Variants in MYO16 observed in about 807,000 individuals in gnomAD.
MYO16 encodes myosin XVI.
In MYO16, 94 loss-of-function variants were observed where a neutral mutation model predicts 205.3. That is an observed-to-expected ratio of 0.46 (90% confidence interval 0.39 to 0.54). The LOEUF is 0.54. Ranked by LOEUF, MYO16 falls within the 20% of genes least tolerant of loss-of-function variation. MYO16 has a pLI of 0.00. For missense variants in MYO16, 2,315 were observed against 2,387.5 expected (o/e 0.97, Z 0.63); for synonymous variants, 988 against 954.0 (o/e 1.04, Z -0.66).
intron 24 of MYO16, chr13:109,048,234 T>C: frequency 1.7e-6 from 1 of 582,296 alleles, no homozygotes; most frequent in Non-Finnish European, 3.2e-6. Flanking sequence ...GCTAGTCTGC[T>C]TATCTTAATA....
At chr13:108,542,452 G>C in the MYO16 span, among the ~76,000 whole-genome samples, 5 of 152,122 alleles carry the variant, frequency 3.3e-5, no homozygotes, top group African/African-American at 9.7e-5. Context: ...ACCTGCATCT[G>C]TACCCCTGAA....
At chr13:108,610,073 T>C (rs1879115283) in intron 1 of MYO16, among the ~76,000 whole-genome samples, 1 of 152,030 alleles carries the variant, frequency 6.6e-6, no homozygotes, top group Non-Finnish European at 1.5e-5. Flanking sequence ...ACTGACTGAG[T>C]GTTACACCTG....
intron 15 of MYO16, among the ~76,000 whole-genome samples, chr13:108,902,281 G>A (rs1880749060): frequency 6.6e-6 from 1 of 152,182 alleles, no homozygotes; most frequent in South Asian, 2.1e-4. Context: ...GACACCAGCT[G>A]GACCAGATAA....
chr13:109,029,730 G>A (rs774899407), intron 23 of MYO16, among the ~76,000 whole-genome samples: 6 of 152,090 alleles, frequency 3.9e-5, no homozygotes, highest in African/African-American at 7.2e-5. Context: ...TTGAGCAGGC[G>A]TTTTGAAAAA....
chr13:108,976,575 C>A (rs1400497419), intron 20 of MYO16, among the ~76,000 whole-genome samples: 1 of 152,042 alleles, frequency 6.6e-6, no homozygotes, highest in Non-Finnish European at 1.5e-5. Context: ...CTAGACCATC[C>A]ATTTATGAGT....
chr13:108,782,795 G>C (rs1886344596), intron 4 of MYO16, among the ~76,000 whole-genome samples: 1 of 152,226 alleles, frequency 6.6e-6, no homozygotes, highest in African/African-American at 2.4e-5. Flanking sequence ...CATGGCTTCA[G>C]AGGGTGGAAG....
upstream of MYO16, among the ~76,000 whole-genome samples, chr13:108,594,925 G>A (rs912742614): frequency 4.6e-5 from 7 of 152,178 alleles, no homozygotes; most frequent in Non-Finnish European, 8.8e-5. Flanking sequence ...CAGAGGCTGA[G>A]GGAGAGGAAT....
chr13:108,598,675 T>C (rs1278681376), intron 1 of MYO16, among the ~76,000 whole-genome samples: 1 of 152,156 alleles, frequency 6.6e-6, no homozygotes, highest in East Asian at 1.9e-4. Flanking sequence ...TGAATTCTTA[T>C]GTGATTTGTA....
upstream of MYO16, among the ~76,000 whole-genome samples, chr13:108,625,255 C>T (rs6492129): frequency 0.11 from 17,320 of 152,126 alleles, 1,001 homozygotes; most frequent in African/African-American, 0.13. Context: ...AATCCGAGAG[C>T]TAGTGGTTTC....
intron 4 of MYO16, among the ~76,000 whole-genome samples, chr13:108,775,698 A>C (rs1161894810): frequency 6.6e-6 from 1 of 152,180 alleles, no homozygotes; most frequent in Non-Finnish European, 1.5e-5. Flanking sequence ...ACCAGCTAAA[A>C]TTGCGCATTT....
intron 6 of MYO16, among the ~76,000 whole-genome samples, chr13:108,799,511 C>T (rs773147073): frequency 2.0e-5 from 3 of 152,062 alleles, no homozygotes; most frequent in Non-Finnish European, 4.4e-5. Context: ...TTGCTGCAAC[C>T]GAACAGTGAT....
intron 27 of MYO16, among the ~76,000 whole-genome samples, chr13:109,058,790 T>C (rs1386473542): frequency 6.6e-6 from 1 of 152,166 alleles, no homozygotes; most frequent in Admixed American, 6.6e-5. Flanking sequence ...CTCTGTAGCA[T>C]GCGAAGCTGC....
intron 32 of MYO16, among the ~76,000 whole-genome samples, chr13:109,161,960 G>A (rs1878406830): frequency 6.6e-6 from 1 of 152,072 alleles, no homozygotes; most frequent in African/African-American, 2.4e-5. Context: ...ATGGTGGCAT[G>A]CACCTGTAAT....
intron 20 of MYO16, among the ~76,000 whole-genome samples, chr13:108,975,184 G>GT (rs200122414): frequency 1.1e-3 from 161 of 144,650 alleles, no homozygotes; most frequent in East Asian, 8.1e-3. Flanking sequence ...TTGGGATACT[G>GT]TTTTTGTTTT....
chr13:109,016,269 G>A (rs921111255), intron 22 of MYO16, among the ~76,000 whole-genome samples: 3 of 152,132 alleles, frequency 2.0e-5, no homozygotes, highest in Middle Eastern at 3.2e-3. Context: ...GTAGTTGAGC[G>A]GTTTTGAGTG....
intron 2 of MYO16, among the ~76,000 whole-genome samples, chr13:108,684,636 C>A (rs1882599551): frequency 6.6e-6 from 1 of 152,118 alleles, no homozygotes; most frequent in South Asian, 2.1e-4. Flanking sequence ...TGGCTTCTGG[C>A]TGGGGGTTGG....
chr13:108,789,811 T>G (rs575920141), intron 5 of MYO16, among the ~76,000 whole-genome samples: 2 of 152,200 alleles, frequency 1.3e-5, no homozygotes, highest in African/African-American at 4.8e-5. Context: ...AATGCCTGTT[T>G]AGCTTTGTTT....
At chr13:108,778,633 T>G (rs1457520427) in intron 4 of MYO16, among the ~76,000 whole-genome samples, 6 of 150,962 alleles carry the variant, frequency 4.0e-5, no homozygotes, top group Non-Finnish European at 8.9e-5. Context: ...AATATATATT[T>G]TTTTTCTGTT....
At chr13:109,003,405 G>A (rs571662410) in intron 21 of MYO16, among the ~76,000 whole-genome samples, 20 of 152,246 alleles carry the variant, frequency 1.3e-4, no homozygotes, top group Non-Finnish European at 2.2e-4. Flanking sequence ...AAAAGAACTC[G>A]CCACTGACGC....
Sources: allele counts gnomAD v4.1 joint callset (sites outside exome capture counted in the v4.1 genomes callset), GRCh38; gene constraint gnomAD v4.1.1; transcripts MANE v1.5; gene names NCBI Gene and HGNC (gene_info 2026-07-23, HGNC 2026-07-21).